The following RHOH variants were observed in gnomAD, a reference collection of about 807,000 sequenced individuals.
RHOH encodes ras homolog family member H, also known as rho-related GTP-binding protein RhoH.
In RHOH, 6 loss-of-function variants were observed where a neutral mutation model predicts 13.8. That is an observed-to-expected ratio of 0.44 (90% CI 0.24 to 0.86). The LOEUF (loss-of-function observed/expected upper bound fraction) is 0.86, where lower values mean the gene tolerates loss of function less well. Ranked by LOEUF, RHOH falls within the 40% of genes least tolerant of loss-of-function variation. The pLI is 0.24. For missense variants in RHOH, 147 were observed against 244.5 expected, an observed-to-expected ratio of 0.60 and a Z score of 2.66; for synonymous variants, 117 against 103.0, an observed-to-expected ratio of 1.14 and a Z score of -0.82.
chr4:40,226,067 C>G (rs190380293), intron 1 of RHOH, among the ~76,000 whole-genome samples: 126 of 152,224 alleles, frequency 8.3e-4, no homozygotes, highest in Non-Finnish European at 1.5e-3. Flanking sequence ...TATTGTTATC[C>G]TTATCTGCTA....
intron 1 of RHOH, among the ~76,000 whole-genome samples, chr4:40,207,116 G>A (rs1284465880): frequency 2.0e-5 from 3 of 151,546 alleles, no homozygotes; most frequent in East Asian, 1.9e-4. Flanking sequence ...CTGAGGCAGG[G>A]AATTGCTTGA....
intron 1 of RHOH, among the ~76,000 whole-genome samples, chr4:40,226,820 G>T (rs1727301656): frequency 6.6e-6 from 1 of 152,142 alleles, no homozygotes; most frequent in South Asian, 2.1e-4. Context: ...CGAAGGAAGT[G>T]GATGAGAAAG....
chr4:40,195,040 A>C (rs564817798), upstream of RHOH, among the ~76,000 whole-genome samples: 1 of 152,254 alleles, frequency 6.6e-6, no homozygotes, highest in East Asian at 1.9e-4. Context: ...CTGTGTGGTG[A>C]TATTTCCTGC....
intron 1 of RHOH, among the ~76,000 whole-genome samples, chr4:40,220,758 G>C (rs562926859): frequency 3.9e-5 from 6 of 152,206 alleles, no homozygotes; most frequent in South Asian, 2.1e-4. Flanking sequence ...GACTTCTATG[G>C]ATTTGAAATG....
At chr4:40,221,538 T>G (rs925463528) in intron 1 of RHOH, among the ~76,000 whole-genome samples, 1 of 152,224 alleles carries the variant, frequency 6.6e-6, no homozygotes, top group Non-Finnish European at 1.5e-5. Context: ...TGATCAGTGA[T>G]CTTTGATGTT....
chr4:40,222,310 T>C (rs1726683619), intron 1 of RHOH, among the ~76,000 whole-genome samples: 2 of 152,196 alleles, frequency 1.3e-5, no homozygotes, highest in Admixed American at 6.5e-5. Flanking sequence ...GAAGATGCCA[T>C]CTAGGACTTT....
At chr4:40,228,282 A>C (rs574052920) in intron 1 of RHOH, among the ~76,000 whole-genome samples, 1 of 152,330 alleles carries the variant, frequency 6.6e-6, no homozygotes, top group East Asian at 1.9e-4. Context: ...AAACCCCAGA[A>C]AAATGTATGC....
At chr4:40,231,318 ATTTTT>A (rs3071888) in intron 1 of RHOH, among the ~76,000 whole-genome samples, 1 of 127,758 alleles carries the variant, frequency 7.8e-6, no homozygotes, top group African/African-American at 3.0e-5. Flanking sequence ...TTCTTAGGTG[ATTTTT>A]TTTTTTTTTT....
intron 1 of RHOH, among the ~76,000 whole-genome samples, chr4:40,217,677 A>T (rs934876661): frequency 8.5e-5 from 13 of 152,196 alleles, no homozygotes; most frequent in African/African-American, 3.1e-4. Flanking sequence ...TCTTCCTCCC[A>T]CCTTATACAA....
chr4:40,214,185 T>C (rs1056447596), intron 1 of RHOH, among the ~76,000 whole-genome samples: 7 of 152,196 alleles, frequency 4.6e-5, no homozygotes, highest in African/African-American at 1.7e-4. Flanking sequence ...GGGTGGCACT[T>C]TGGGGAAGGC....
rs1729680784 is a variant in RHOH at position 40,245,110 on chromosome 4, A to T, written c.*1148A>T. On this transcript the variant is annotated 3_prime_UTR_variant, in exon 3 of 3. Coordinates refer to ENST00000381799, the MANE Select transcript of RHOH (RefSeq NM_004310.5). ...AGAACAGAAAGTTATCAGGGGAAAT[A>T]CTGAATAAATAGACACACACATACT... 1 of 152,198 alleles carries T rather than the reference A, an allele frequency of 6.6e-6. No homozygotes were observed. Among genetic ancestry groups the T allele is most frequent in the Non-Finnish European group, 1.5e-5 (1 of 68,044 alleles). The allele number at this position is 152,198 out of a possible 1,614,324, so 9.4% of individuals were successfully genotyped here.
chr4:40,199,186 A>T (rs1052291315), intron 1 of RHOH, among the ~76,000 whole-genome samples: 1 of 152,224 alleles, frequency 6.6e-6, no homozygotes, highest in Non-Finnish European at 1.5e-5. Context: ...GTAGAGATCA[A>T]ATGAGATAAA....
intron 1 of RHOH, among the ~76,000 whole-genome samples, chr4:40,210,828 A>G (rs1560691376): frequency 6.6e-6 from 1 of 152,194 alleles, no homozygotes; most frequent in Non-Finnish European, 1.5e-5. Flanking sequence ...ATATATGCAG[A>G]CATATAATTT....
Position 40,238,529 on chromosome 4 carries a change from CTG to C in RHOH, c.-330-4183_-330-4182del, listed in dbSNP as rs549471574. Among the ~76,000 whole-genome samples, 200 of 152,354 alleles carry C rather than the reference CTG, an allele frequency of 1.3e-3. 1 individual carries two copies. The highest frequency in any genetic ancestry group is 4.4e-3 in the African/African-American group (185 of 41,578). ...CCAGAGTGGGCAGAAGGGCCCAACT[CTG>C]TTGCTTTTGCAACGTGAAGCCTCCC... On this transcript the variant is annotated intron_variant, in intron 1 of 2. Transcript: ENST00000381799.
intron 1 of RHOH, among the ~76,000 whole-genome samples, chr4:40,197,795 C>T (rs1723395154): frequency 2.0e-5 from 3 of 152,258 alleles, no homozygotes; most frequent in Non-Finnish European, 2.9e-5. Context: ...CCCAAAAGTG[C>T]TCTATGATGT....
rs146291529 is a variant in RHOH, at chr4:40,208,629, A to G, written c.-331+11329A>G. On this transcript the variant is annotated intron_variant, in intron 1 of 2. Transcript: ENST00000381799. The stretch of plus-strand genomic sequence containing the variant: ...TTTCGAAAGGCCTTTTTTCAGAAAA[A>G]TTGTGAGTTTTGGGCAGCAACATGA... 4.6e-4 allele frequency among the ~76,000 whole-genome samples: 70 copies of G among 152,222 alleles called. No homozygotes were observed. The East Asian group carries it at 0.013, about 29-fold the overall frequency.
intron 1 of RHOH, among the ~76,000 whole-genome samples, chr4:40,214,849 T>C (rs1458688319): frequency 6.6e-6 from 1 of 152,182 alleles, no homozygotes; most frequent in African/African-American, 2.4e-5. Flanking sequence ...TGAGTCCCTG[T>C]TGACCAGGGA....
chr4:40,243,053 G>A lies in RHOH; in HGVS notation c.-209-125G>A, dbSNP rs1330008675. ...AGGGGAAGAGTGGATTGCACAAGCG[G>A]GGTTGGATGGCTACACTGAGATTAC... On this transcript the variant is annotated intron_variant, in intron 2 of 2. Transcript: ENST00000381799. This position sits in a 1 kb window ranked among gnomAD's most constrained non-coding sequence, Gnocchi z 6.2. 1 of 252,488 alleles carries A rather than the reference G, an allele frequency of 4.0e-6. No individual in the cohort carries two copies. The highest frequency in any genetic ancestry group is 7.6e-6 in the Non-Finnish European group (1 of 130,798). The allele number at this position is 252,488 out of a possible 1,614,324, so 15.6% of individuals were successfully genotyped here.
At chr4:40,242,682 T>C (rs1003208977) in intron 1 of RHOH, 32 bp from the exon 2 acceptor site, 1 of 152,234 alleles carries the variant, frequency 6.6e-6, no homozygotes, top group African/African-American at 2.4e-5. Flanking sequence ...GCATATAGTA[T>C]CTGTCGCTCA....
Sources: allele counts gnomAD v4.1 joint callset (sites outside exome capture counted in the v4.1 genomes callset), GRCh38; gene constraint gnomAD v4.1.1; non-coding constraint Gnocchi (gnomAD v3.1); transcripts MANE v1.5; gene names NCBI Gene and HGNC (gene_info 2026-07-23, HGNC 2026-07-21).